PKHD1: variants seen among roughly 807,000 people sequenced by gnomAD.
PKHD1 encodes the protein fibrocystin.
Under a neutral mutation model 412.0 loss-of-function variants are expected in PKHD1, and 291 were observed. That is an observed-to-expected ratio of 0.71 (90% CI 0.64 to 0.78). PKHD1 has a LOEUF of 0.78. Ranked by LOEUF, PKHD1 falls within the 30% of genes least tolerant of loss-of-function variation. The pLI, the probability that PKHD1 is intolerant of heterozygous loss-of-function variation, is 0.00. For synonymous variants in PKHD1, 1,777 were observed against 1,821.5 expected, an observed-to-expected ratio of 0.98 and a Z score of 0.62; for missense variants, 4,825 against 4,950.7, an observed-to-expected ratio of 0.97 and a Z score of 0.76.
intron 35 of PKHD1, among the ~76,000 whole-genome samples, chr6:51,962,076 T>C (rs1792126529): frequency 6.6e-6 from 1 of 152,078 alleles, no homozygotes; most frequent in Admixed American, 6.6e-5. Context: ...AACCAAGATG[T>C]TTTCTCCAAA....
intron 50 of PKHD1, among the ~76,000 whole-genome samples, chr6:51,843,114 T>G (rs1342762221): frequency 6.6e-6 from 1 of 152,200 alleles, no homozygotes; most frequent in Non-Finnish European, 1.5e-5. Flanking sequence ...GCGGCTGGGA[T>G]GCCGAGAGGA....
At chr6:51,784,449 C>T (rs1368212644) in intron 53 of PKHD1, among the ~76,000 whole-genome samples, 1 of 152,154 alleles carries the variant, frequency 6.6e-6, no homozygotes, top group Non-Finnish European at 1.5e-5. Context: ...TTCAAACAAT[C>T]ACAGAGATTT....
At chr6:51,741,162 A>G (rs1438352730) in intron 60 of PKHD1, 1 of 518,974 alleles carries the variant, frequency 1.9e-6, no homozygotes, top group Admixed American at 1.9e-5. Flanking sequence ...TTGTGCCTAA[A>G]TAGCATATTA....
At chr6:51,671,483 TTTGG>T (rs1459424271) in intron 60 of PKHD1, among the ~76,000 whole-genome samples, 1 of 152,168 alleles carries the variant, frequency 6.6e-6, no homozygotes, top group Non-Finnish European at 1.5e-5. Flanking sequence ...CTTCTTTGCC[TTTGG>T]TTTGAATTTC....
chr6:51,791,104 T>C, intron 53 of PKHD1, 132 bp downstream of exon 53: 2 of 869,262 alleles, frequency 2.3e-6, no homozygotes, highest in Non-Finnish European at 3.9e-6. Flanking sequence ...ACTTTACTGG[T>C]GCACTCACTA....
intron 29 of PKHD1, among the ~76,000 whole-genome samples, chr6:52,031,389 C>T (rs1803010895): frequency 6.6e-6 from 1 of 152,218 alleles, no homozygotes; most frequent in South Asian, 2.1e-4. Context: ...ATAAGGCAAA[C>T]AGGGAGCTGT....
rs1467194438 is a variant in PKHD1 at position 51,748,263 on chromosome 6, C to T, written c.9353G>A (p.Trp3118Ter). The change falls in exon 58 of 67, where the codon TGG becomes TAG. Residue 3118 changes from tryptophan to a stop codon, truncating the protein, a stop_gained. Transcript: ENST00000371117. LOFTEE classifies it high-confidence loss of function. ...GHKCSSCELL[W>*]SDNVAHSSLH... ...ACTTGAATGCGCCACATTGTCAGAC[C>T]AAAGCAGTTCACAAGAGGAGCACTT... 1 of 1,614,022 alleles carries T rather than the reference C, an allele frequency of 6.2e-7. No individual in the cohort carries two copies. The highest frequency in any genetic ancestry group is 1.7e-5 in the Admixed American group (1 of 59,998).
rs1157455673 is a variant in PKHD1 at position 52,080,009 on chromosome 6, C to T, written c.282-1G>A. The T allele has an allele frequency of 6.4e-7, 1 of 1,556,352 alleles. No individual in the cohort carries two copies. Among genetic ancestry groups the T allele is most frequent in the Admixed American group, 1.7e-5 (1 of 59,948 alleles). On this transcript the variant is annotated splice_acceptor_variant, in intron 4 of 66. Coordinates refer to ENST00000371117, the MANE Select transcript of PKHD1 (RefSeq NM_138694.4). LOFTEE classifies it high-confidence loss of function. Reference sequence around the variant, plus strand: ...CTCATGTGCTTCAGACAGCACAGATCTGAGGACAGAAAGTGGAAATCCTTA... The same window carrying T: ...CTCATGTGCTTCAGACAGCACAGATTTGAGGACAGAAAGTGGAAATCCTTA...
At chr6:51,727,709 C>T (rs1213816407) in intron 60 of PKHD1, among the ~76,000 whole-genome samples, 2 of 152,146 alleles carry the variant, frequency 1.3e-5, no homozygotes, top group Non-Finnish European at 2.9e-5. Flanking sequence ...CCTGGAAAGG[C>T]AAACTCTGCC....
At chr6:51,907,973 G>A (rs1405256756) in intron 40 of PKHD1, among the ~76,000 whole-genome samples, 4 of 152,112 alleles carry the variant, frequency 2.6e-5, no homozygotes, top group Admixed American at 2.6e-4. Context: ...GATAGGTTAG[G>A]TAAAATTTGA....
intron 43 of PKHD1, among the ~76,000 whole-genome samples, chr6:51,899,964 T>C (rs946647370): frequency 2.6e-5 from 4 of 152,136 alleles, no homozygotes; most frequent in African/African-American, 7.2e-5. Flanking sequence ...TTACAAGGGA[T>C]GTGAAGGACC....
intron 60 of PKHD1, among the ~76,000 whole-genome samples, chr6:51,681,007 CA>C (rs2150563852): frequency 6.6e-6 from 1 of 152,080 alleles, no homozygotes; most frequent in East Asian, 1.9e-4. Context: ...AAACCAAATA[CA>C]TAAGTGGCAT....
intron 46 of PKHD1, among the ~76,000 whole-genome samples, chr6:51,872,580 TG>T (rs951225537): frequency 6.6e-6 from 1 of 152,146 alleles, no homozygotes; most frequent in African/African-American, 2.4e-5. Context: ...GGCTAATTTT[TG>T]TACTTTTAGT....
intron 60 of PKHD1, among the ~76,000 whole-genome samples, chr6:51,701,676 A>G (rs144602316): frequency 1.3e-5 from 2 of 152,184 alleles, no homozygotes; most frequent in East Asian, 3.9e-4. Context: ...AGAAATAGAT[A>G]TAGGTGAGAC....
At chr6:51,974,819 T>C (rs1794156433) in intron 35 of PKHD1, among the ~76,000 whole-genome samples, 1 of 152,176 alleles carries the variant, frequency 6.6e-6, no homozygotes, top group Non-Finnish European at 1.5e-5. Flanking sequence ...TTTATTCATG[T>C]AACCAAACAC....
At position 51,915,293 on chromosome 6, in the gene PKHD1, G is replaced by C. The variant is rs115775593; in HGVS notation, c.6122-2717C>G. ...CTTTAGAACTTAATCCTGAGAGAAGGCTCCAAGACTTGCTGAGTAGGCAAA... is the reference window on the plus strand; with the variant it reads ...CTTTAGAACTTAATCCTGAGAGAAGCCTCCAAGACTTGCTGAGTAGGCAAA... On this transcript the variant is annotated intron_variant, in intron 37 of 66. Coordinates refer to ENST00000371117, the MANE Select transcript of PKHD1 (RefSeq NM_138694.4). Among the ~76,000 whole-genome samples, 1,259 of 152,132 alleles carry C rather than the reference G, an allele frequency of 8.3e-3. 13 individuals are homozygous for C. The highest frequency in any genetic ancestry group is 0.031 in the Middle Eastern group (9 of 294).
chr6:51,616,652 A>C lies in PKHD1; in HGVS notation c.*2429T>G. The C allele has an allele frequency of 2.5e-6, 1 of 398,116 alleles. No homozygotes were observed. Among genetic ancestry groups the C allele is most frequent in the Non-Finnish European group, 4.4e-6 (1 of 225,912 alleles). 24.7% of individuals were successfully genotyped at this position (398,116 alleles called of 1,614,324 possible). A position where few individuals can be genotyped will look rare whatever the true frequency, so the allele number is the denominator to read the frequency against. ...GTTACTGAAGATGTTTATAGCTGCT[A>C]TTTAGGCCCAAAGAGTCAATTCTGG... On this transcript the variant is annotated 3_prime_UTR_variant, in exon 67 of 67. Transcript: ENST00000371117.
chr6:51,657,720 A>G (rs1378722611), intron 61 of PKHD1, among the ~76,000 whole-genome samples: 1 of 152,086 alleles, frequency 6.6e-6, no homozygotes, highest in Non-Finnish European at 1.5e-5. Context: ...ATGTGTGTAT[A>G]TATCTAAACT....
At chr6:52,004,556 T>A (rs1184023182) in intron 35 of PKHD1, among the ~76,000 whole-genome samples, 1 of 152,242 alleles carries the variant, frequency 6.6e-6, no homozygotes, top group Admixed American at 6.5e-5. Context: ...GTGGATGCCA[T>A]GTTCTTGAAG....
Sources: gnomAD v4.1 joint callset for allele counts (sites outside exome capture counted in the v4.1 genomes callset) on GRCh38, gnomAD v4.1.1 for gene constraint, MANE v1.5 for transcripts, NCBI Gene and HGNC (gene_info 2026-07-23, HGNC 2026-07-21) for gene names.